The following GAS2 variants were observed in gnomAD, a reference collection of about 807,000 sequenced individuals.
GAS2 encodes growth arrest specific 2.
GAS2 carries 20 observed loss-of-function variants against 37.5 expected under a neutral mutation model. The ratio of observed to expected loss-of-function variants is 0.53; its 90% CI spans 0.37 to 0.77. The LOEUF is 0.77. Ranked by LOEUF, GAS2 falls within the 30% of genes least tolerant of loss-of-function variation. The pLI, the probability that GAS2 is intolerant of heterozygous loss-of-function variation, is 0.00. For missense variants in GAS2, 336 were observed against 373.4 expected (o/e 0.90, Z 0.82); for synonymous variants, 144 against 132.2 (o/e 1.09, Z -0.61).
At chr11:22,765,686 G>A (rs1854649683) in intron 7 of GAS2, among the ~76,000 whole-genome samples, 1 of 152,062 alleles carries the variant, frequency 6.6e-6, no homozygotes, top group African/African-American at 2.4e-5. Context: ...GGCTGAGACA[G>A]GAGAATGGCG....
At chr11:22,779,402 A>C (rs924297056) in intron 7 of GAS2, among the ~76,000 whole-genome samples, 3 of 152,136 alleles carry the variant, frequency 2.0e-5, no homozygotes, top group Non-Finnish European at 4.4e-5. Flanking sequence ...GGGCCTTTTG[A>C]AATACAATGC....
intron 7 of GAS2, among the ~76,000 whole-genome samples, chr11:22,802,734 C>A (rs1856723059): frequency 6.6e-6 from 1 of 151,992 alleles, no homozygotes; most frequent in Non-Finnish European, 1.5e-5. Context: ...ATAACAAACA[C>A]CAACATAGGA....
At chr11:22,713,159 A>C (rs530724418) in intron 3 of GAS2, among the ~76,000 whole-genome samples, 1 of 151,670 alleles carries the variant, frequency 6.6e-6, no homozygotes, top group Non-Finnish European at 1.5e-5. Context: ...AATAGATATA[A>C]TAAAGGACAA....
chr11:22,628,976 A>G (rs1487603484), intron 1 of GAS2, among the ~76,000 whole-genome samples: 2 of 150,616 alleles, frequency 1.3e-5, no homozygotes, highest in Non-Finnish European at 2.9e-5. Context: ...CATTCTTTTT[A>G]TGGCTGAGTA....
chr11:22,700,949 A>G (rs558586578), intron 3 of GAS2, among the ~76,000 whole-genome samples: 11 of 152,150 alleles, frequency 7.2e-5, no homozygotes, highest in Non-Finnish European at 1.3e-4. Context: ...TTTCTTTTGC[A>G]TCTTTTTCCC....
At chr11:22,677,501 CAG>C (rs1197659683) in intron 2 of GAS2, among the ~76,000 whole-genome samples, 1 of 152,126 alleles carries the variant, frequency 6.6e-6, no homozygotes, top group East Asian at 1.9e-4. Context: ...ATGTTCTAAA[CAG>C]AGGAAGAGTA....
Position 22,671,722 on chromosome 11 carries a change from T to C in GAS2, c.-20-3128T>C, listed in dbSNP as rs191861588. On this transcript the variant is annotated intron_variant, in intron 1 of 7. Transcript: ENST00000454584. ...TTGACTAAACACTTCTTTAAAAAGT[T>C]ACAAGGAGGGTAAAATTCCATAGTG... Among the ~76,000 whole-genome samples the C allele has an allele frequency of 2.9e-3, 442 of 152,232 alleles. 6 individuals carry two copies. Among genetic ancestry groups the C allele is most frequent in the East Asian group, 7.7e-4 (4 of 5,188 alleles).
At chr11:22,810,133 C>A (rs1297044413) in intron 7 of GAS2, among the ~76,000 whole-genome samples, 1 of 152,108 alleles carries the variant, frequency 6.6e-6, no homozygotes, top group African/African-American at 2.4e-5. Flanking sequence ...AGCCAAGGAG[C>A]TAGGTGATCA....
At chr11:22,706,249 G>A (rs1470834800) in intron 3 of GAS2, among the ~76,000 whole-genome samples, 1 of 152,102 alleles carries the variant, frequency 6.6e-6, no homozygotes, top group African/African-American at 2.4e-5. Flanking sequence ...CAAGTCAGGA[G>A]GCTATTGCCT....
At chr11:22,626,186 A>C (rs530175100) in intron 1 of GAS2, 1 of 312,006 alleles carries the variant, frequency 3.2e-6, no homozygotes, top group Admixed American at 4.5e-5. Context: ...GAGGTTTTTC[A>C]AAATTAAGTA....
At chr11:22,727,075 G>A (rs1030752514) in intron 4 of GAS2, among the ~76,000 whole-genome samples, 15 of 151,988 alleles carry the variant, frequency 9.9e-5, no homozygotes, top group African/African-American at 3.6e-4. Context: ...CCAAATCATA[G>A]AATGAGCTTA....
intron 7 of GAS2, among the ~76,000 whole-genome samples, chr11:22,811,435 G>C (rs1857160467): frequency 6.6e-6 from 1 of 151,986 alleles, no homozygotes; most frequent in African/African-American, 2.4e-5. Flanking sequence ...AACCCACTGG[G>C]AAAAATGGAG....
upstream of GAS2, among the ~76,000 whole-genome samples, chr11:22,663,417 T>TA (rs1848938423): frequency 6.7e-6 from 1 of 150,186 alleles, no homozygotes; most frequent in Non-Finnish European, 1.5e-5. Flanking sequence ...AAAAAAAAAA[T>TA]AAAAAAATAA....
intron 3 of GAS2, among the ~76,000 whole-genome samples, chr11:22,694,767 T>A (rs1323780515): frequency 1.3e-5 from 2 of 152,128 alleles, no homozygotes; most frequent in Non-Finnish European, 2.9e-5. Flanking sequence ...GTAAATTAAT[T>A]TTGCTGAATC....
chr11:22,657,880 C>G (rs1054945725), intron 1 of GAS2, among the ~76,000 whole-genome samples: 26 of 152,056 alleles, frequency 1.7e-4, no homozygotes, highest in Non-Finnish European at 2.5e-4. Flanking sequence ...ACTGAGTCTC[C>G]CACACAGTTA....
intron 2 of GAS2, among the ~76,000 whole-genome samples, chr11:22,681,113 G>T (rs976285308): frequency 1.1e-4 from 17 of 152,130 alleles, no homozygotes; most frequent in African/African-American, 3.6e-4. Context: ...AATTTATTGG[G>T]AAGAAAACAT....
chr11:22,652,456 G>A (rs1028722637), intron 1 of GAS2, among the ~76,000 whole-genome samples: 1 of 152,200 alleles, frequency 6.6e-6, no homozygotes, highest in Non-Finnish European at 1.5e-5. Flanking sequence ...CATCCAGTTA[G>A]AGCTTCCCGG....
chr11:22,774,057 A>T (rs1050732798), intron 7 of GAS2, among the ~76,000 whole-genome samples: 2 of 151,932 alleles, frequency 1.3e-5, no homozygotes, highest in Admixed American at 6.5e-5. Context: ...ACAATGGCAC[A>T]ATCTCGGCTC....
chr11:22,655,686 C>G (rs940899603), intron 1 of GAS2, among the ~76,000 whole-genome samples: 6 of 152,100 alleles, frequency 3.9e-5, no homozygotes, highest in Admixed American at 1.3e-4. Flanking sequence ...TAAAATCTGC[C>G]TCAATGAAAA....
Sources: gnomAD v4.1 joint callset for allele counts (sites outside exome capture counted in the v4.1 genomes callset) on GRCh38, gnomAD v4.1.1 for gene constraint, MANE v1.5 for transcripts, NCBI Gene and HGNC (gene_info 2026-07-23, HGNC 2026-07-21) for gene names.